CCDC92: variants seen among roughly 807,000 people sequenced by gnomAD.
CCDC92 encodes coiled-coil domain containing 92, also known as coiled-coil domain-containing protein 92.
In CCDC92, 12 loss-of-function variants were observed where a neutral mutation model predicts 24.9. The ratio of observed to expected loss-of-function variants is 0.48; its 90% CI spans 0.31 to 0.78. The LOEUF (loss-of-function observed/expected upper bound fraction) is 0.78, where lower values mean the gene tolerates loss of function less well. CCDC92 is among the 30% of genes least tolerant of loss of function. CCDC92 has a pLI of 0.05. For missense variants in CCDC92, 399 were observed against 439.4 expected (o/e 0.91, Z 0.82); for synonymous variants, 193 against 196.3 (o/e 0.98, Z 0.14).
intron 1 of CCDC92, chr12:123,945,097 C>G (rs538515853): frequency 6.6e-6 from 1 of 152,258 alleles, no homozygotes; most frequent in South Asian, 2.1e-4. Context: ...TAGAAACAAA[C>G]TCAAAACCCG....
At position 123,972,714 on chromosome 12, in the gene CCDC92, T is replaced by C. The variant is rs1244523247; in HGVS notation, c.-245A>G. 1 of 145,872 alleles carries C rather than the reference T, an allele frequency of 6.9e-6. No individual in the cohort carries two copies. Among genetic ancestry groups the C allele is most frequent in the Non-Finnish European group, 1.5e-5 (1 of 65,940 alleles). 9.0% of individuals were successfully genotyped at this position (145,872 alleles called of 1,614,324 possible). ...CAGTGGGCACCGCCCGCCCGGCGCA[T>C]CTCGCCCGCTCCCACCCCAGCGCTA... On this transcript the variant is annotated 5_prime_UTR_variant, in exon 1 of 5. It removes an upstream start codon present in the reference 5' UTR. Transcript: ENST00000238156.
chr12:123,968,324 T>C (rs989066193), intron 1 of CCDC92: 3 of 152,228 alleles, frequency 2.0e-5, no homozygotes, highest in African/African-American at 7.2e-5. Context: ...TGTAAACTGT[T>C]TTCTGATTAA....
chr12:123,943,690 G>A, intron 2 of CCDC92, 197 bp from the exon 3 acceptor site: 1 of 630,042 alleles, frequency 1.6e-6, no homozygotes, highest in African/African-American at 1.8e-5. Flanking sequence ...AGGGACGGCA[G>A]CCTCTGCTTC....
chr12:123,952,658 G>A (rs932608218), intron 1 of CCDC92, among the ~76,000 whole-genome samples: 2 of 152,206 alleles, frequency 1.3e-5, no homozygotes, highest in African/African-American at 2.4e-5. Context: ...CAATTAGTAA[G>A]TGAGCTGAAA....
intron 1 of CCDC92, among the ~76,000 whole-genome samples, chr12:123,967,453 G>A (rs536734348): frequency 1.3e-5 from 2 of 152,198 alleles, no homozygotes; most frequent in African/African-American, 4.8e-5. Context: ...GCTCTCCCAC[G>A]CTACTAGCCA....
At chr12:123,943,600 G>T in intron 2 of CCDC92, 107 bp from the exon 3 acceptor site, 1 of 1,254,968 alleles carries the variant, frequency 8.0e-7, no homozygotes, top group Non-Finnish European at 1.1e-6. Context: ...GGAGAGAGCA[G>T]AAGGAAACCA....
At chr12:123,956,268 T>C (rs1463213906) in intron 1 of CCDC92, 4 of 152,246 alleles carry the variant, frequency 2.6e-5, no homozygotes, top group Non-Finnish European at 5.9e-5. Flanking sequence ...ACTTATATTT[T>C]TAAGAGGGCA....
intron 2 of CCDC92, 31 bp from the exon 3 acceptor site, chr12:123,943,524 C>G: frequency 6.2e-7 from 1 of 1,612,688 alleles, no homozygotes; most frequent in African/African-American, 1.3e-5. Flanking sequence ...GGCTGCGGTG[C>G]CTGAAGAGGG....
chr12:123,958,734 C>G (rs552156526), intron 1 of CCDC92, among the ~76,000 whole-genome samples: 64 of 152,352 alleles, frequency 4.2e-4, no homozygotes, highest in African/African-American at 1.3e-3. Flanking sequence ...CATCCTCACA[C>G]CGCTCTAGGA....
chr12:123,957,295 A>G (rs1956169278), intron 1 of CCDC92, among the ~76,000 whole-genome samples: 1 of 152,244 alleles, frequency 6.6e-6, no homozygotes, highest in African/African-American at 2.4e-5. Context: ...CTGGCCAGTC[A>G]GGAGCCTGGA....
At chr12:123,953,204 T>C (rs964616667) in intron 1 of CCDC92, among the ~76,000 whole-genome samples, 5 of 147,448 alleles carry the variant, frequency 3.4e-5, no homozygotes, top group African/African-American at 1.3e-4. Context: ...AATAGGCACA[T>C]CTCTAAAAGC....
Position 123,944,342 on chromosome 12 carries a change from C to T in CCDC92, c.-37G>A, listed in dbSNP as rs372604976. 29 of 1,532,198 alleles carry T rather than the reference C, an allele frequency of 1.9e-5. No individual in the cohort carries two copies. Among genetic ancestry groups the T allele is most frequent in the Middle Eastern group, 1.7e-4 (1 of 5,830 alleles). The allele number at this position is 1,532,198 out of a possible 1,614,324, so 94.9% of individuals were successfully genotyped here. A position where few individuals can be genotyped will look rare whatever the true frequency, so the allele number is the denominator to read the frequency against. Reference sequence around the variant, plus strand: ...GAAAAGCTACCAGAGTAATTCAAGACGCTTGTACAGCACTGAAAAATACTG... The same window carrying T: ...GAAAAGCTACCAGAGTAATTCAAGATGCTTGTACAGCACTGAAAAATACTG... On this transcript the variant is annotated 5_prime_UTR_variant, in exon 2 of 5. Transcript: ENST00000238156.
intron 2 of CCDC92, chr12:123,943,932 A>T: frequency 2.1e-6 from 1 of 474,722 alleles, no homozygotes; most frequent in Non-Finnish European, 3.7e-6. Context: ...ACCCCAACAG[A>T]CTGTGACTGA....
chr12:123,951,162 C>T (rs929669550), intron 1 of CCDC92, among the ~76,000 whole-genome samples: 2 of 152,204 alleles, frequency 1.3e-5, no homozygotes, highest in African/African-American at 2.4e-5. Context: ...ATACGTGCTG[C>T]AGATCATTTC....
At chr12:123,938,347 T>TCACACACA (rs112136206) in intron 4 of CCDC92, among the ~76,000 whole-genome samples, 1 of 150,692 alleles carries the variant, frequency 6.6e-6, no homozygotes, top group African/African-American at 2.4e-5. Flanking sequence ...CCCGTCTCTC[T>TCACACACA]CACACACACA....
At chr12:123,941,125 CAG>C (rs1955670469) in intron 4 of CCDC92, among the ~76,000 whole-genome samples, 2 of 152,336 alleles carry the variant, frequency 1.3e-5, no homozygotes, top group South Asian at 4.1e-4. Context: ...CAGGAGAGGA[CAG>C]GGAGCGAGGA....
intron 4 of CCDC92, among the ~76,000 whole-genome samples, chr12:123,939,424 G>A (rs1187715356): frequency 2.0e-5 from 3 of 152,296 alleles, no homozygotes; most frequent in Admixed American, 6.5e-5. Context: ...GGCGCTCCTC[G>A]ACTTAGCATG....
At chr12:123,949,121 G>C (rs1398994454) in intron 1 of CCDC92, among the ~76,000 whole-genome samples, 7 of 152,210 alleles carry the variant, frequency 4.6e-5, no homozygotes, top group Non-Finnish European at 8.8e-5. Flanking sequence ...GCAGATGAAA[G>C]GAGAAAGGCA....
intron 1 of CCDC92, among the ~76,000 whole-genome samples, chr12:123,950,467 T>C (rs190945505): frequency 1.8e-3 from 271 of 152,290 alleles, no homozygotes; most frequent in Non-Finnish European, 3.6e-3. Flanking sequence ...CTCTTGCTCG[T>C]AATACCAGCA....
Sources: gnomAD v4.1 joint callset for allele counts (sites outside exome capture counted in the v4.1 genomes callset) on GRCh38, gnomAD v4.1.1 for gene constraint, MANE v1.5 for transcripts, NCBI Gene and HGNC (gene_info 2026-07-23, HGNC 2026-07-21) for gene names.